The following ISCA1 variants were observed in gnomAD, a reference collection of about 807,000 sequenced individuals.
ISCA1 encodes the protein iron-sulfur cluster assembly 1.
In ISCA1, 9 loss-of-function variants were observed where a neutral mutation model predicts 14.7. The observed-to-expected ratio is 0.61, with a 90% CI of 0.37 to 1.07. ISCA1 has a LOEUF of 1.07. ISCA1 is among the 50% of genes least tolerant of loss of function. The pLI is 0.01. For synonymous variants in ISCA1, 38 were observed against 54.3 expected (o/e 0.70, Z 1.32); for missense variants, 102 against 150.1 (o/e 0.68, Z 1.67).
intron 3 of ISCA1, among the ~76,000 whole-genome samples, chr9:86,268,195 A>G (rs1825313748): frequency 6.6e-6 from 1 of 152,124 alleles, no homozygotes; most frequent in Non-Finnish European, 1.5e-5. Flanking sequence ...ACAGAAGATG[A>G]CAACTCCATG....
At chr9:86,269,877 C>T (rs1564008833) in intron 3 of ISCA1, among the ~76,000 whole-genome samples, 1 of 152,180 alleles carries the variant, frequency 6.6e-6, no homozygotes, top group Non-Finnish European at 1.5e-5. Context: ...GCTGGGAAAA[C>T]TGGCTAGCCA....
intron 1 of ISCA1, among the ~76,000 whole-genome samples, chr9:86,280,978 A>AG (rs1459267677): frequency 6.6e-6 from 1 of 152,092 alleles, no homozygotes; most frequent in African/African-American, 2.4e-5. Flanking sequence ...CAAAAAACAA[A>AG]AAACCCAGTT....
At chr9:86,275,224 G>A (rs532265903) in intron 1 of ISCA1, among the ~76,000 whole-genome samples, 1 of 152,306 alleles carries the variant, frequency 6.6e-6, no homozygotes, top group East Asian at 1.9e-4. Flanking sequence ...ATGATTATGA[G>A]AGTACATCAT....
rs148906669 is a variant in ISCA1, at chr9:86,274,922, T to C, written c.82-680A>G. Among the ~76,000 whole-genome samples the C allele has an allele frequency of 4.3e-3, 656 of 152,322 alleles. 8 individuals are homozygous for C. Among genetic ancestry groups the C allele is most frequent in the African/African-American group, 0.015 (632 of 41,562 alleles). ...AGCTGTTTCCCAGAGAAATGCTGTTTTAACATAGCTCAGCGGGCCTCAAAA... is the reference window on the plus strand; with the variant it reads ...AGCTGTTTCCCAGAGAAATGCTGTTCTAACATAGCTCAGCGGGCCTCAAAA... On this transcript the variant is annotated intron_variant, in intron 1 of 3. Transcript: ENST00000375991.
rs866366847 is a variant in ISCA1, at chr9:86,270,122, C to T, written c.241+1885G>A. On this transcript the variant is annotated intron_variant, in intron 3 of 3. Coordinates refer to ENST00000375991, the MANE Select transcript of ISCA1 (RefSeq NM_030940.4). Reference sequence around the variant, plus strand: ...CTAATTAAACTAAAGAGCTTCTGCACAGCAAAAGAAACTACCATCAGAGTG... The same window carrying T: ...CTAATTAAACTAAAGAGCTTCTGCATAGCAAAAGAAACTACCATCAGAGTG... Among the ~76,000 whole-genome samples the T allele has an allele frequency of 4.0e-3, 587 of 148,474 alleles. 8 individuals are homozygous for T. Among genetic ancestry groups the T allele is most frequent in the African/African-American group, 0.014 (544 of 39,804 alleles).
In ISCA1 at chr9:86,266,094, A is replaced by G; in HGVS notation, c.339T>C (p.Asn113=). Residue 113 remains asparagine, a synonymous_variant, in exon 4 of 4, where the codon AAT becomes AAC. Coordinates refer to ENST00000375991, the MANE Select transcript of ISCA1 (RefSeq NM_030940.4). ...EDKLSSEFVF[N]NPNIKGTCGC... is the part of the protein sequence containing the mutation. ...CACAAGTCCCTTTGATGTTTGGGTTATTGAACACAAACTCACTGGATAATT... is the reference window on the plus strand; with the variant it reads ...CACAAGTCCCTTTGATGTTTGGGTTGTTGAACACAAACTCACTGGATAATT... 6.2e-7 allele frequency: 1 copy of G among 1,612,986 alleles called. No individual in the cohort carries two copies. The highest frequency in any genetic ancestry group is 8.5e-7 in the Non-Finnish European group (1 of 1,179,738).
intron 1 of ISCA1, among the ~76,000 whole-genome samples, chr9:86,275,616 T>A (rs1398275372): frequency 6.6e-6 from 1 of 152,236 alleles, no homozygotes; most frequent in Non-Finnish European, 1.5e-5. Context: ...AAAACGTGAA[T>A]GTTGTTTAGT....
chr9:86,273,310 T>C (rs915555285), intron 2 of ISCA1, among the ~76,000 whole-genome samples: 3 of 152,158 alleles, frequency 2.0e-5, no homozygotes, highest in African/African-American at 7.2e-5. Context: ...GATACACACA[T>C]CCCTAACTCA....
At chr9:86,269,665 G>C (rs993380339) in intron 3 of ISCA1, among the ~76,000 whole-genome samples, 8 of 151,496 alleles carry the variant, frequency 5.3e-5, no homozygotes, top group African/African-American at 7.3e-5. Context: ...CAAAGCTGGA[G>C]GCATCACGCT....
intron 3 of ISCA1, 58 bp from the exon 4 acceptor site, chr9:86,266,249 T>C (rs1825291984): frequency 2.0e-6 from 3 of 1,532,642 alleles, no homozygotes; most frequent in Non-Finnish European, 2.6e-6. Flanking sequence ...AACTTGCTGA[T>C]TCAAAGCACA....
chr9:86,274,750 C>A (rs1469805380), intron 1 of ISCA1, among the ~76,000 whole-genome samples: 1 of 152,024 alleles, frequency 6.6e-6, no homozygotes, highest in African/African-American at 2.4e-5. Flanking sequence ...ACAGTGTTAC[C>A]AGCATAAAAT....
rs540990405 is a variant in ISCA1 at position 86,270,842 on chromosome 9, G to A, written c.241+1165C>T. ...ATCATTCTCAGTAAACTATCGCAAG[G>A]ACAAAAAACCAAACACCACATGTTC... On this transcript the variant is annotated intron_variant, in intron 3 of 3. Coordinates refer to ENST00000375991, the MANE Select transcript of ISCA1 (RefSeq NM_030940.4). 3.8e-4 allele frequency among the ~76,000 whole-genome samples: 56 copies of A among 147,244 alleles called. No homozygotes were observed. The East Asian group carries it at 0.011, about 29-fold the overall frequency.
chr9:86,267,603 A>C lies in ISCA1; in HGVS notation c.242-1412T>G, dbSNP rs940678185. 5.8e-6 allele frequency: 5 copies of C among 866,812 alleles called. No homozygotes were observed. In the African/African-American group the frequency reaches 9.1e-5, roughly 16 times the overall value. 53.7% of individuals were successfully genotyped at this position (866,812 alleles called of 1,614,324 possible). On this transcript the variant is annotated intron_variant, in intron 3 of 3. Coordinates refer to ENST00000375991, the MANE Select transcript of ISCA1 (RefSeq NM_030940.4). Reference sequence around the variant, plus strand: ...TTTAATTATAAATTAAATTATAATAAATAGCTTTGAATAAAAATTGGAAAT... The same window carrying C: ...TTTAATTATAAATTAAATTATAATACATAGCTTTGAATAAAAATTGGAAAT...
At chr9:86,280,081 A>C (rs1283876655) in intron 1 of ISCA1, among the ~76,000 whole-genome samples, 1 of 152,228 alleles carries the variant, frequency 6.6e-6, no homozygotes, top group Non-Finnish European at 1.5e-5. Context: ...GATAACATGT[A>C]CTGAAGCAGA....
At chr9:86,278,942 T>C (rs1825475761) in intron 1 of ISCA1, among the ~76,000 whole-genome samples, 1 of 152,212 alleles carries the variant, frequency 6.6e-6, no homozygotes, top group Admixed American at 6.5e-5. Context: ...TAATTTACAA[T>C]GACTACATCC....
At chr9:86,278,774 T>G (rs1418455110) in intron 1 of ISCA1, among the ~76,000 whole-genome samples, 3 of 152,230 alleles carry the variant, frequency 2.0e-5, no homozygotes, top group Non-Finnish European at 4.4e-5. Flanking sequence ...GTAATAAACA[T>G]ATATTCACCA....
chr9:86,268,864 G>A (rs545484396), intron 3 of ISCA1, among the ~76,000 whole-genome samples: 57 of 152,056 alleles, frequency 3.7e-4, no homozygotes, highest in African/African-American at 1.2e-3. Context: ...GCATGGTCTC[G>A]GCTCACTGCA....
At chr9:86,281,101 T>C (rs926710755) in intron 1 of ISCA1, among the ~76,000 whole-genome samples, 3 of 152,220 alleles carry the variant, frequency 2.0e-5, no homozygotes, top group African/African-American at 4.8e-5. Flanking sequence ...CTTACTGAGA[T>C]TGAAAGAGAC....
chr9:86,266,281 A>T, intron 3 of ISCA1, 90 bp from the exon 4 acceptor site: 1 of 1,489,788 alleles, frequency 6.7e-7, no homozygotes, highest in Non-Finnish European at 9.0e-7. Context: ...AATAGTGACT[A>T]TCAATGAAAG....
Sources: allele counts gnomAD v4.1 joint callset (sites outside exome capture counted in the v4.1 genomes callset), GRCh38; gene constraint gnomAD v4.1.1; transcripts MANE v1.5; gene names NCBI Gene and HGNC (gene_info 2026-07-23, HGNC 2026-07-21).